EBI3: variants seen among roughly 807,000 people sequenced by gnomAD.
EBI3 encodes Epstein-Barr virus induced 3.
In EBI3, 19 loss-of-function variants were observed where a neutral mutation model predicts 21.3. The observed-to-expected ratio is 0.89, with a 90% confidence interval of 0.62 to 1.31. The LOEUF (loss-of-function observed/expected upper bound fraction) is 1.31. EBI3 is among the 50% of genes most tolerant of loss of function. The probability of loss-of-function intolerance (pLI) is 0.00; values close to 1 mark genes in which losing one functional copy is unlikely to be tolerated. For synonymous variants in EBI3, 154 were observed against 131.2 expected, an observed-to-expected ratio of 1.17 and a Z score of -1.19; for missense variants, 331 against 314.0, an observed-to-expected ratio of 1.05 and a Z score of -0.41.
chr19:4,236,112 T>G (rs1970834510), intron 4 of EBI3, among the ~76,000 whole-genome samples: 1 of 151,848 alleles, frequency 6.6e-6, no homozygotes, highest in Non-Finnish European at 1.5e-5. Flanking sequence ...TCCCAGCACT[T>G]TGGGAGGCTG....
At position 4,229,588 on chromosome 19, in the gene EBI3, C is replaced by T; in HGVS notation, c.38C>T (p.Ala13Val). 2 of 1,610,484 alleles carry T rather than the reference C, an allele frequency of 1.2e-6. No individual in the cohort carries two copies. Among genetic ancestry groups the T allele is most frequent in the East Asian group, 4.5e-5 (2 of 44,834 alleles). ...CTTCTCCTGGCCCTTGTCCTCTGGG[C>T]CAGCTGCCCGCCCTGCAGTGGAAGG... The part of the protein sequence containing the change: ...PQLLLALVLW[A>V]SCPPCSGRKG... Residue 13 changes from alanine (A) to valine (V), a missense_variant, in exon 1 of 5, where the codon GCC (alanine) becomes GTC (valine). Ala to Val is a moderately conservative substitution (Grantham distance 64). Transcript: ENST00000221847.
At chr19:4,231,146 A>T in intron 1 of EBI3, 45 bp from the exon 2 acceptor site, 1 of 1,519,692 alleles carries the variant, frequency 6.6e-7, no homozygotes, top group Non-Finnish European at 8.8e-7. Flanking sequence ...GGGCTATGAC[A>T]ATCTGGGGGT....
At position 4,233,114 on chromosome 19, in the gene EBI3, C is replaced by T; in HGVS notation, c.201-15C>T. On this transcript the variant is annotated splice_polypyrimidine_tract_variant and intron_variant, in intron 2 of 4. Transcript: ENST00000221847. ...GGCACTCCCTGAGGCGCTCAGCGAG[C>T]CCCACCCTGTGCAGGCTCGGCATGG... 1.3e-6 allele frequency: 2 copies of T among 1,573,558 alleles called. No individual in the cohort carries two copies.
In EBI3 at chr19:4,237,032, G is replaced by C. The variant is rs537618420; in HGVS notation, c.634G>C (p.Gly212Arg). The change falls in exon 5 of 5, where the codon GGG becomes CGG. Residue 212 changes from glycine (G) to arginine (R), a missense_variant. Coordinates refer to ENST00000221847, the MANE Select transcript of EBI3 (RefSeq NM_005755.3). ...GGCGGCTCAGGACCTCACAGACTACGGGGAACTGAGTGACTGGAGTCTCCC... is the reference window on the plus strand; with the variant it reads ...GGCGGCTCAGGACCTCACAGACTACCGGGAACTGAGTGACTGGAGTCTCCC... ...QVAAQDLTDY[G>R]ELSDWSLPAT... 1.4e-5 allele frequency: 22 copies of C among 1,575,608 alleles called. 1 individual carries two copies. The South Asian group carries it at 2.5e-4, about 18-fold the overall frequency.
At chr19:4,235,723 T>A (rs1285808717) in intron 4 of EBI3, among the ~76,000 whole-genome samples, 1 of 150,408 alleles carries the variant, frequency 6.6e-6, no homozygotes, top group Non-Finnish European at 1.5e-5. Flanking sequence ...AGTCCAGGAG[T>A]TGGAGACCAG....
Position 4,231,280 on chromosome 19 carries a change from G to A in EBI3, c.157G>A (p.Ala53Thr). The A allele has an allele frequency of 6.2e-7, 1 of 1,613,038 alleles. No individual in the cohort carries two copies. Among genetic ancestry groups the A allele is most frequent in the Admixed American group, 1.7e-5 (1 of 59,798 alleles). ...GGATTGCTCCTGGACCCTGCCGCCT[G>A]CTCCAAACTCCACCAGCCCCGTGTC... ...AVDCSWTLPPAPNSTSPVSFI... is the reference protein window; with the variant it reads ...AVDCSWTLPPTPNSTSPVSFI... Residue 53 changes from alanine to threonine, a missense_variant, in exon 2 of 5, where the codon GCT (alanine) becomes ACT (threonine). By Grantham distance (58) the Ala-to-Thr change is moderately conservative. Transcript: ENST00000221847.
Position 4,234,688 on chromosome 19 carries a change from G to A in EBI3, c.401G>A (p.Gly134Asp). ...EHIIKPDPPEGVRLSPLAERQ... is the reference protein window; with the variant it reads ...EHIIKPDPPEDVRLSPLAERQ... ...TCAGTCAAGCCCGACCCTCCAGAAG[G>A]CGTGCGCCTAAGCCCCCTCGCTGAG... The change falls in exon 4 of 5, where the codon GGC (glycine) becomes GAC (aspartate). Residue 134 changes from glycine to aspartate, a missense_variant. Coordinates refer to ENST00000221847, the MANE Select transcript of EBI3 (RefSeq NM_005755.3). 7.4e-6 allele frequency: 12 copies of A among 1,613,978 alleles called. No individual in the cohort carries two copies. The highest frequency in any genetic ancestry group is 1.0e-5 in the Non-Finnish European group (12 of 1,179,980).
At chr19:4,233,074 G>T (rs1471304031) in intron 2 of EBI3, 55 bp from the exon 3 acceptor site, 2 of 1,444,892 alleles carry the variant, frequency 1.4e-6, no homozygotes, top group African/African-American at 1.4e-5. Context: ...GGCAGTAGGA[G>T]GTGCTGAGGC....
At position 4,233,090 on chromosome 19, in the gene EBI3, GCACTCCCTGAGGCGCTCAGCGAGCC is replaced by G. The variant is rs768514638; in HGVS notation, c.201-37_201-13del. ...GCAGTAGGAGGTGCTGAGGCCACAG[GCACTCCCTGAGGCGCTCAGCGAGCC>G]CCACCCTGTGCAGGCTCGGCATGGC... On this transcript the variant is annotated splice_polypyrimidine_tract_variant and intron_variant, in intron 2 of 4. Coordinates refer to ENST00000221847, the MANE Select transcript of EBI3 (RefSeq NM_005755.3). The G allele has an allele frequency of 3.3e-6, 5 of 1,499,324 alleles. No individual in the cohort carries two copies. The highest frequency in any genetic ancestry group is 4.4e-6 in the Non-Finnish European group (5 of 1,130,576). 92.9% of individuals were successfully genotyped at this position (1,499,324 alleles called of 1,614,324 possible). A position where few individuals can be genotyped will look rare whatever the true frequency, so the allele number is the denominator to read the frequency against.
intron 3 of EBI3, among the ~76,000 whole-genome samples, chr19:4,233,599 G>A (rs1422573956): frequency 2.6e-5 from 4 of 152,066 alleles, no homozygotes; most frequent in Admixed American, 1.3e-4. Flanking sequence ...AGCCCTCCAT[G>A]GCTCCCACCT....
At position 4,237,288 on chromosome 19, in the gene EBI3, A is replaced by C. The variant is rs953856861; in HGVS notation, c.*200A>C. ...TCTAGCTGAGAAATGGAGATGTACT[A>C]CTCTCTCCTTTACCTTTACCTTTAC... On this transcript the variant is annotated 3_prime_UTR_variant, in exon 5 of 5. Transcript: ENST00000221847. 12 of 501,910 alleles carry C rather than the reference A, an allele frequency of 2.4e-5. No individual in the cohort carries two copies. The highest frequency in any genetic ancestry group is 7.9e-5 in the Admixed American group (2 of 25,370). 31.1% of individuals were successfully genotyped at this position (501,910 alleles called of 1,614,324 possible). A position where few individuals can be genotyped will look rare whatever the true frequency, so the allele number is the denominator to read the frequency against.
chr19:4,230,219 C>T (rs1476502409), intron 1 of EBI3, among the ~76,000 whole-genome samples: 4 of 152,134 alleles, frequency 2.6e-5, no homozygotes, highest in African/African-American at 7.2e-5. Flanking sequence ...CCACCGCGCC[C>T]GGCCGACATT....
At chr19:4,230,682 G>A (rs374981863) in intron 1 of EBI3, among the ~76,000 whole-genome samples, 25 of 152,182 alleles carry the variant, frequency 1.6e-4, no homozygotes, top group African/African-American at 5.8e-4. Flanking sequence ...TCAGGAGTTT[G>A]AGACCAGCCT....
At chr19:4,232,542 ACC>A (rs60957392) in intron 2 of EBI3, among the ~76,000 whole-genome samples, 2 of 147,232 alleles carry the variant, frequency 1.4e-5, no homozygotes, top group African/African-American at 2.5e-5. Flanking sequence ...ACATACTGAG[ACC>A]CCCCCCCATC....
intron 2 of EBI3, among the ~76,000 whole-genome samples, chr19:4,232,043 G>T (rs1458990150): frequency 6.6e-6 from 1 of 151,372 alleles, no homozygotes; most frequent in South Asian, 2.1e-4. Flanking sequence ...TGGCGAACAC[G>T]GTGAAACCCT....
At chr19:4,230,726 A>T (rs353706) in intron 1 of EBI3, among the ~76,000 whole-genome samples, 1 of 152,166 alleles carries the variant, frequency 6.6e-6, no homozygotes, top group African/African-American at 2.4e-5. Context: ...TCTACTAAAA[A>T]TACAAAAATT....
intron 1 of EBI3, among the ~76,000 whole-genome samples, chr19:4,230,626 G>GT (rs1970773556): frequency 6.6e-6 from 1 of 151,968 alleles, no homozygotes; most frequent in Admixed American, 6.6e-5. Flanking sequence ...GCTCACGCCT[G>GT]TAATTCCAGC....
At chr19:4,233,103 C>T (rs770292826) in intron 2 of EBI3, 26 bp from the exon 3 acceptor site, 52 of 1,542,218 alleles carry the variant, frequency 3.4e-5, no homozygotes, top group East Asian at 3.0e-4. Context: ...CTCCCTGAGG[C>T]GCTCAGCGAG....
At chr19:4,232,999 C>T (rs1970803673) in intron 2 of EBI3, 130 bp from the exon 3 acceptor site, 2 of 1,127,352 alleles carry the variant, frequency 1.8e-6, no homozygotes, top group South Asian at 1.8e-5. Context: ...CAGGACCCCA[C>T]CCCGGGATCC....
Sources: allele counts gnomAD v4.1 joint callset (sites outside exome capture counted in the v4.1 genomes callset), GRCh38; gene constraint gnomAD v4.1.1; transcripts MANE v1.5; gene names NCBI Gene and HGNC (gene_info 2026-07-23, HGNC 2026-07-21).